DNAJB14: variants seen among roughly 807,000 people sequenced by gnomAD.
DNAJB14 encodes dnaJ homolog subfamily B member 14.
A neutral mutation model predicts 48.4 loss-of-function variants in DNAJB14; 22 were observed. That is an observed-to-expected ratio of 0.45 (90% CI 0.32 to 0.65). DNAJB14 has a LOEUF of 0.65. DNAJB14 is among the 30% of genes least tolerant of loss of function. The probability of loss-of-function intolerance (pLI) is 0.03; values close to 1 mark genes in which losing one functional copy is unlikely to be tolerated. For synonymous variants in DNAJB14, 142 were observed against 158.7 expected, an observed-to-expected ratio of 0.89 and a Z score of 0.79; for missense variants, 319 against 458.8, an observed-to-expected ratio of 0.70 and a Z score of 2.78.
intron 3 of DNAJB14, among the ~76,000 whole-genome samples, chr4:99,919,394 C>G (rs553980230): frequency 3.8e-4 from 58 of 152,072 alleles, no homozygotes; most frequent in African/African-American, 1.4e-3. Context: ...ACCAGCCTGG[C>G]CAAGATGGTG....
chr4:99,939,285 C>T (rs1347043168), intron 1 of DNAJB14, among the ~76,000 whole-genome samples: 2 of 152,208 alleles, frequency 1.3e-5, no homozygotes, highest in Non-Finnish European at 1.5e-5. Flanking sequence ...CTGCTTGAAC[C>T]CGGGAGATGG....
chr4:99,917,282 T>C (rs566526211), intron 3 of DNAJB14, among the ~76,000 whole-genome samples: 4 of 152,380 alleles, frequency 2.6e-5, no homozygotes, highest in African/African-American at 7.2e-5. Context: ...ATATTTTTGC[T>C]TACCATGTGT....
intron 1 of DNAJB14, among the ~76,000 whole-genome samples, chr4:99,936,673 T>G (rs1337315231): frequency 6.6e-6 from 1 of 152,196 alleles, no homozygotes; most frequent in Non-Finnish European, 1.5e-5. Context: ...AATTTTTTTG[T>G]GTTAGGAAAT....
At chr4:99,941,589 C>T (rs1346571772) in intron 1 of DNAJB14, among the ~76,000 whole-genome samples, 1 of 152,140 alleles carries the variant, frequency 6.6e-6, no homozygotes, top group Non-Finnish European at 1.5e-5. Context: ...CAGATAGATA[C>T]TTCATGTTTC....
chr4:99,908,658 G>T (rs1480042546), intron 4 of DNAJB14, 53 bp downstream of exon 4: 1 of 1,323,794 alleles, frequency 7.6e-7, no homozygotes, highest in Non-Finnish European at 1.0e-6. Flanking sequence ...GTTAACTGGA[G>T]GTAAGACTAT....
chr4:99,917,353 T>C (rs1483595332), intron 3 of DNAJB14, among the ~76,000 whole-genome samples: 1 of 152,290 alleles, frequency 6.6e-6, no homozygotes, highest in Non-Finnish European at 1.5e-5. Flanking sequence ...TAACCAAATC[T>C]ATTTCTCACA....
At chr4:99,944,318 G>A (rs550276309) in intron 1 of DNAJB14, among the ~76,000 whole-genome samples, 19 of 152,250 alleles carry the variant, frequency 1.2e-4, no homozygotes, top group South Asian at 6.2e-4. Context: ...TGGTGCAGGC[G>A]CTACAGAAAC....
chr4:99,915,042 G>A (rs1447640484), intron 3 of DNAJB14, among the ~76,000 whole-genome samples: 1 of 138,594 alleles, frequency 7.2e-6, no homozygotes, highest in Non-Finnish European at 1.7e-5. Flanking sequence ...CTTGCTTTGA[G>A]TTTATTTTGC....
In DNAJB14 at chr4:99,906,550, A is replaced by G. The variant is rs747212661; in HGVS notation, c.699T>C (p.His233=). Residue 233 remains histidine (H), a synonymous_variant, in exon 5 of 8, where the codon CAT becomes CAC. Coordinates refer to ENST00000442697, the MANE Select transcript of DNAJB14 (RefSeq NM_001031723.4). The part of the protein sequence containing the change: ...AGYSQQHQHR[H]SGHEREEERG... ...TTTCCTCTTCTCTTTCATGTCCACTATGTCGATGCTGATGTTGTTGGCTAT... is the reference window on the plus strand; with the variant it reads ...TTTCCTCTTCTCTTTCATGTCCACTGTGTCGATGCTGATGTTGTTGGCTAT... 9 of 1,611,384 alleles carry G rather than the reference A, an allele frequency of 5.6e-6. No homozygotes were observed. Among genetic ancestry groups the G allele is most frequent in the Admixed American group, 1.7e-5 (1 of 59,920 alleles).
At chr4:99,945,095 G>C (rs190919681) in intron 1 of DNAJB14, among the ~76,000 whole-genome samples, 1 of 152,194 alleles carries the variant, frequency 6.6e-6, no homozygotes, top group African/African-American at 2.4e-5. Flanking sequence ...TTAGTACACA[G>C]TTGTGTTGTA....
At chr4:99,923,206 T>G (rs1726124296) in intron 2 of DNAJB14, 21 bp from the exon 3 acceptor site, 13 of 1,579,202 alleles carry the variant, frequency 8.2e-6, no homozygotes, top group Non-Finnish European at 1.0e-5. Context: ...GAGAGTGTGT[T>G]ATAATGTAAA....
intron 1 of DNAJB14, among the ~76,000 whole-genome samples, chr4:99,939,390 A>G (rs1726809298): frequency 6.6e-6 from 1 of 152,252 alleles, no homozygotes; most frequent in South Asian, 2.1e-4. Context: ...AAATAAAATA[A>G]AACAAAATAA....
chr4:99,901,014 A>G lies in DNAJB14; in HGVS notation c.*14T>C, dbSNP rs1191031401. 5 of 1,601,142 alleles carry G rather than the reference A, an allele frequency of 3.1e-6. No homozygotes were observed. Among genetic ancestry groups the G allele is most frequent in the Middle Eastern group, 2.3e-4 (1 of 4,384 alleles). On this transcript the variant is annotated 3_prime_UTR_variant, in exon 8 of 8. Coordinates refer to ENST00000442697, the MANE Select transcript of DNAJB14 (RefSeq NM_001031723.4). ...ATAAAGAGTACGCTAAAAGGTATAA[A>G]TAAAAATTCCAGTTCATCCTCCTTT...
At chr4:99,920,588 A>T (rs1408076883) in intron 3 of DNAJB14, among the ~76,000 whole-genome samples, 2 of 152,200 alleles carry the variant, frequency 1.3e-5, no homozygotes, top group African/African-American at 4.8e-5. Flanking sequence ...TCATTAAAAT[A>T]TTTTTTTAAA....
Position 99,930,616 on chromosome 4 carries a change from A to G in DNAJB14, c.139T>C (p.Leu47=). The G allele has an allele frequency of 6.2e-7, 1 of 1,609,636 alleles. No individual in the cohort carries two copies. Among genetic ancestry groups the G allele is most frequent in the Non-Finnish European group, 8.5e-7 (1 of 1,177,730 alleles). ...LYPLPSARAL[L]EIIMKNGSTA... The stretch of plus-strand genomic sequence containing the variant: ...CTTCCATTTTTCATAATTATTTCCA[A>G]TAGTGCTGTAGAAAGATAAAGTACA... The change falls in exon 2 of 8, where the codon TTG becomes CTG. Residue 47 remains leucine (L), a synonymous_variant. Transcript: ENST00000442697.
chr4:99,917,626 G>A (rs972269900), intron 3 of DNAJB14, among the ~76,000 whole-genome samples: 9 of 152,052 alleles, frequency 5.9e-5, no homozygotes, highest in African/African-American at 1.9e-4. Flanking sequence ...GTGTCCTTTT[G>A]TTTAAAGAAC....
intron 1 of DNAJB14, among the ~76,000 whole-genome samples, chr4:99,930,907 CA>C (rs1445842359): frequency 6.6e-6 from 1 of 151,952 alleles, no homozygotes; most frequent in Admixed American, 6.6e-5. Context: ...TGCAGATTAC[CA>C]AAGAAAAAGA....
chr4:99,930,428 T>C (rs1313677212), intron 2 of DNAJB14, 22 bp downstream of exon 2: 6 of 1,567,364 alleles, frequency 3.8e-6, no homozygotes, highest in African/African-American at 2.7e-5. Flanking sequence ...ATGATTGAGA[T>C]GTAAACCATA....
intron 2 of DNAJB14, chr4:99,924,232 C>G (rs1726165236): frequency 1.3e-5 from 2 of 151,860 alleles, no homozygotes; most frequent in Admixed American, 6.6e-5. Flanking sequence ...GCAAAATGAT[C>G]TAGGGTATAA....
Sources: gnomAD v4.1 joint callset for allele counts (sites outside exome capture counted in the v4.1 genomes callset) on GRCh38, gnomAD v4.1.1 for gene constraint, MANE v1.5 for transcripts, NCBI Gene and HGNC (gene_info 2026-07-23, HGNC 2026-07-21) for gene names.